The following RIMBP2 variants were observed in gnomAD, a reference collection of about 807,000 sequenced individuals.
The protein encoded by RIMBP2 is RIMS binding protein 2, also known as RIMS-binding protein 2.
Under a neutral mutation model 118.6 loss-of-function variants are expected in RIMBP2, and 48 were observed. The observed-to-expected ratio is 0.40, with a 90% confidence interval of 0.32 to 0.51. The LOEUF is 0.51. Ranked by LOEUF, RIMBP2 falls within the 20% of genes least tolerant of loss-of-function variation. The probability of loss-of-function intolerance (pLI) is 0.41; values close to 1 mark genes in which losing one functional copy is unlikely to be tolerated. For synonymous variants in RIMBP2, 762 were observed against 742.9 expected, an observed-to-expected ratio of 1.03 and a Z score of -0.42; for missense variants, 1,551 against 1,768.3, an observed-to-expected ratio of 0.88 and a Z score of 2.20.
At chr12:130,655,618 A>G (rs1434476337) in intron 1 of RIMBP2, among the ~76,000 whole-genome samples, 2 of 152,270 alleles carry the variant, frequency 1.3e-5, no homozygotes, top group East Asian at 3.8e-4. Context: ...GCATAGACAC[A>G]GAAAAAAATG....
At chr12:130,601,129 G>T (rs1023989790) in intron 2 of RIMBP2, among the ~76,000 whole-genome samples, 2 of 152,028 alleles carry the variant, frequency 1.3e-5, no homozygotes, top group African/African-American at 2.4e-5. Flanking sequence ...GGGAATCAGG[G>T]TTTGGTTAAC....
At chr12:130,676,366 T>G (rs1396415838) in intron 1 of RIMBP2, among the ~76,000 whole-genome samples, 1 of 148,070 alleles carries the variant, frequency 6.8e-6, no homozygotes, top group Non-Finnish European at 1.5e-5. Flanking sequence ...TGCTCACGCC[T>G]GTAACACCAG....
intron 21 of RIMBP2, among the ~76,000 whole-genome samples, chr12:130,402,214 TTC>T (rs1179458183): frequency 2.6e-5 from 4 of 152,154 alleles, no homozygotes; most frequent in African/African-American, 9.7e-5. Flanking sequence ...CTAAGTTCCG[TTC>T]TGTTTGGAGA....
rs796779843 is a variant in RIMBP2 at position 130,646,209 on chromosome 12, C to G, written c.-351-17753G>C. ...TCCCTCACCACTTCCCTCTCCACCT[C>G]CCTCTCCACCTCCCTCACCACCTGC... is the stretch of plus-strand genomic sequence containing the variant. On this transcript the variant is annotated intron_variant, in intron 1 of 22. Coordinates refer to ENST00000690449, the MANE Select transcript of RIMBP2 (RefSeq NM_001393629.1). Among the ~76,000 whole-genome samples, 86 of 73,426 alleles carry G rather than the reference C, an allele frequency of 1.2e-3. 2 individuals carry two copies. The highest frequency in any genetic ancestry group is 2.6e-3 in the African/African-American group (56 of 21,774). The allele number at this position is 73,426 out of a possible 152,430, so 48.2% of individuals were successfully genotyped here.
intron 21 of RIMBP2, among the ~76,000 whole-genome samples, chr12:130,400,741 T>C (rs1565977354): frequency 6.6e-6 from 1 of 152,024 alleles, no homozygotes; most frequent in African/African-American, 2.4e-5. Context: ...TGCTAAGGGG[T>C]TAATATCCAG....
Position 130,621,308 on chromosome 12 carries a change from A to G in RIMBP2, c.-217+7014T>C, listed in dbSNP as rs927666493. Among the ~76,000 whole-genome samples the G allele has an allele frequency of 6.6e-6, 1 of 152,138 alleles. No individual in the cohort carries two copies. Among genetic ancestry groups the G allele is most frequent in the Non-Finnish European group, 1.5e-5 (1 of 68,030 alleles). On this transcript the variant is annotated intron_variant, in intron 2 of 22. Coordinates refer to ENST00000690449, the MANE Select transcript of RIMBP2 (RefSeq NM_001393629.1). The surrounding 1 kb of genome is among the most constrained non-coding windows in gnomAD (Gnocchi z 6.6). The stretch of plus-strand genomic sequence containing the variant: ...CAGCCCTGCTGGCTTTTTGGGCCTA[A>G]CTGTAGATATGATAATACAATGTGG...
intron 2 of RIMBP2, among the ~76,000 whole-genome samples, chr12:130,572,890 G>T (rs568000585): frequency 1.2e-4 from 18 of 152,176 alleles, no homozygotes; most frequent in Non-Finnish European, 2.4e-4. Context: ...CAGGGTAGGA[G>T]CAGGGTCAGG....
chr12:130,571,451 A>C (rs1593847775), intron 2 of RIMBP2, among the ~76,000 whole-genome samples: 4 of 126,826 alleles, frequency 3.2e-5, no homozygotes, highest in Admixed American at 1.8e-4. Flanking sequence ...ACAGAGTCTC[A>C]CTTTTTTGCC....
intron 5 of RIMBP2, 136 bp from the exon 6 acceptor site, chr12:130,470,879 C>T (rs2080945548): frequency 2.2e-6 from 1 of 454,922 alleles, no homozygotes. Flanking sequence ...ATTATTCCTA[C>T]ATTCATTATT....
intron 22 of RIMBP2, chr12:130,399,045 T>G (rs2136246589): frequency 2.6e-6 from 2 of 770,818 alleles, no homozygotes; most frequent in East Asian, 6.1e-5. Flanking sequence ...AAGCCTTAAG[T>G]CTACCACACT....
chr12:130,616,725 G>C (rs2140735595), intron 2 of RIMBP2, among the ~76,000 whole-genome samples: 1 of 152,314 alleles, frequency 6.6e-6, no homozygotes, highest in East Asian at 1.9e-4. Context: ...AATGTCCCAA[G>C]ATGGGGTCAG....
rs2077574665 is a variant in RIMBP2, at chr12:130,437,074, G to T, written c.1874C>A (p.Pro625His). ...QSKPLASSGV[P>H]ETKDEHLGPH... Reference sequence around the variant, plus strand: ...ACCCAGGTGCTCGTCTTTGGTTTCGGGGACTCCAGAACTTGCTAATGGCTT... The same window carrying T: ...ACCCAGGTGCTCGTCTTTGGTTTCGTGGACTCCAGAACTTGCTAATGGCTT... Residue 625 changes from proline (P) to histidine (H), a missense_variant, in exon 13 of 23, where the codon CCC becomes CAC. Physicochemically the swap from Pro to His is moderately conservative, Grantham distance 77. Coordinates refer to ENST00000690449, the MANE Select transcript of RIMBP2 (RefSeq NM_001393629.1). 1 of 1,574,034 alleles carries T rather than the reference G, an allele frequency of 6.4e-7. No homozygotes were observed. The highest frequency in any genetic ancestry group is 8.6e-7 in the Non-Finnish European group (1 of 1,157,538).
intron 2 of RIMBP2, among the ~76,000 whole-genome samples, chr12:130,568,786 T>A (rs1320557779): frequency 1.3e-5 from 2 of 152,198 alleles, no homozygotes; most frequent in Non-Finnish European, 2.9e-5. Context: ...AAACTCTTTT[T>A]TTCCAGCCAG....
At chr12:130,672,790 G>A (rs2064261494) in intron 1 of RIMBP2, among the ~76,000 whole-genome samples, 1 of 152,196 alleles carries the variant, frequency 6.6e-6, no homozygotes, top group Non-Finnish European at 1.5e-5. Flanking sequence ...CAAGACAACT[G>A]TCAGAAATTC....
intron 6 of RIMBP2, among the ~76,000 whole-genome samples, chr12:130,459,954 C>T (rs870597): frequency 3.3e-5 from 5 of 152,098 alleles, no homozygotes; most frequent in Non-Finnish European, 2.9e-5. Context: ...CGTTAGTTCA[C>T]GACTTGGCAC....
intron 2 of RIMBP2, among the ~76,000 whole-genome samples, chr12:130,544,130 T>C (rs2054872351): frequency 6.6e-6 from 1 of 152,204 alleles, no homozygotes. Context: ...TCTCTCCATT[T>C]ATCCATATCC....
At chr12:130,494,323 G>A (rs775127900) in intron 4 of RIMBP2, among the ~76,000 whole-genome samples, 3 of 152,050 alleles carry the variant, frequency 2.0e-5, no homozygotes, top group South Asian at 2.1e-4. Context: ...ACAGTCTCAC[G>A]GTAAGATGGT....
chr12:130,404,643 C>G lies in RIMBP2; in HGVS notation c.3765+1529G>C, dbSNP rs73457112. On this transcript the variant is annotated intron_variant, in intron 21 of 22. Transcript: ENST00000690449. ...ATATAAAGGATGCGTAAGAATAAAT[C>G]TATGAATCTTTTCTGACAGATGAAA... Among the ~76,000 whole-genome samples, 919 of 152,274 alleles carry G rather than the reference C, an allele frequency of 6.0e-3. 7 individuals are homozygous for G. Among genetic ancestry groups the G allele is most frequent in the African/African-American group, 0.021 (861 of 41,552 alleles).
At chr12:130,661,115 C>T (rs758689470) in intron 1 of RIMBP2, among the ~76,000 whole-genome samples, 11 of 152,172 alleles carry the variant, frequency 7.2e-5, no homozygotes, top group African/African-American at 1.2e-4. Context: ...ATAACTGCCG[C>T]GGTGGACAGC....
Sources: allele counts gnomAD v4.1 joint callset (sites outside exome capture counted in the v4.1 genomes callset), GRCh38; gene constraint gnomAD v4.1.1; non-coding constraint Gnocchi (gnomAD v3.1); transcripts MANE v1.5; gene names NCBI Gene and HGNC (gene_info 2026-07-23, HGNC 2026-07-21).